The following OSBPL10 variants were observed in gnomAD, a reference collection of about 807,000 sequenced individuals.
OSBPL10 encodes the protein oxysterol-binding protein-related protein 10.
OSBPL10 carries 49 observed loss-of-function variants against 81.7 expected under a neutral mutation model. That is an observed-to-expected ratio of 0.60 (90% CI 0.48 to 0.76). OSBPL10 has a LOEUF of 0.76. Ranked by LOEUF, OSBPL10 falls within the 30% of genes least tolerant of loss-of-function variation. The pLI is 0.00. For missense variants in OSBPL10, 923 were observed against 987.8 expected (o/e 0.93, Z 0.88); for synonymous variants, 419 against 383.6 (o/e 1.09, Z -1.08).
intron 3 of OSBPL10, among the ~76,000 whole-genome samples, chr3:31,844,552 A>G (rs1700580144): frequency 6.6e-6 from 1 of 152,242 alleles, no homozygotes; most frequent in Admixed American, 6.5e-5. Flanking sequence ...TCAGACACAA[A>G]AAGTCACATA....
chr3:31,939,645 A>G (rs1477045382), intron 1 of OSBPL10, among the ~76,000 whole-genome samples: 1 of 151,930 alleles, frequency 6.6e-6, no homozygotes, highest in Non-Finnish European at 1.5e-5. Flanking sequence ...CATAGTGACC[A>G]AACTCCACAA....
At chr3:31,821,001 A>T (rs1699971382) in intron 4 of OSBPL10, among the ~76,000 whole-genome samples, 1 of 152,184 alleles carries the variant, frequency 6.6e-6, no homozygotes, top group Admixed American at 6.5e-5. Context: ...AAGGGGTCAG[A>T]CAATAAACAC....
chr3:31,765,647 T>C (rs1173681291), intron 4 of OSBPL10, among the ~76,000 whole-genome samples: 9 of 152,122 alleles, frequency 5.9e-5, no homozygotes, highest in Admixed American at 2.6e-4. Context: ...AAAAACAATG[T>C]ATACACCCAA....
intron 1 of OSBPL10, among the ~76,000 whole-genome samples, chr3:31,957,242 A>C (rs1301706516): frequency 6.6e-6 from 1 of 152,238 alleles, no homozygotes; most frequent in Non-Finnish European, 1.5e-5. Context: ...CTGACACATA[A>C]ATATTTTTGT....
intron 3 of OSBPL10, among the ~76,000 whole-genome samples, chr3:31,843,571 C>T (rs1377843861): frequency 6.6e-6 from 1 of 152,182 alleles, no homozygotes; most frequent in Admixed American, 6.5e-5. Context: ...TTTCAGAGTG[C>T]TAGACAGTGG....
At chr3:31,811,723 A>G (rs1699686103) in intron 4 of OSBPL10, among the ~76,000 whole-genome samples, 1 of 152,232 alleles carries the variant, frequency 6.6e-6, no homozygotes, top group Non-Finnish European at 1.5e-5. Context: ...ATGCATATAT[A>G]GGCAAGTACA....
intron 6 of OSBPL10, among the ~76,000 whole-genome samples, chr3:31,726,464 C>T (rs898141603): frequency 4.6e-5 from 7 of 151,294 alleles, no homozygotes; most frequent in Non-Finnish European, 7.4e-5. Flanking sequence ...TTGTAGGCAC[C>T]CACCACCATG....
At chr3:31,743,605 A>G (rs1368665915) in intron 5 of OSBPL10, among the ~76,000 whole-genome samples, 1 of 152,206 alleles carries the variant, frequency 6.6e-6, no homozygotes, top group Non-Finnish European at 1.5e-5. Context: ...ATTAAATACT[A>G]TACAAGATGA....
intron 4 of OSBPL10, among the ~76,000 whole-genome samples, chr3:31,776,048 G>T (rs141042113): frequency 2.3e-3 from 354 of 152,188 alleles, no homozygotes; most frequent in African/African-American, 7.9e-3. Flanking sequence ...CAATGATCTG[G>T]GAATTCTGGG....
intron 3 of OSBPL10, among the ~76,000 whole-genome samples, chr3:31,852,328 A>C (rs887792747): frequency 6.6e-6 from 1 of 152,144 alleles, no homozygotes; most frequent in Admixed American, 6.5e-5. Flanking sequence ...GAGGTACACT[A>C]TCAGGAGGTA....
At chr3:31,905,368 T>TTTTA (rs869077578) in intron 1 of OSBPL10, among the ~76,000 whole-genome samples, 2 of 148,192 alleles carry the variant, frequency 1.3e-5, no homozygotes, top group South Asian at 2.2e-4. Context: ...TTTTTTTTTT[T>TTTTA]AGACGGACTC....
chr3:31,700,739 C>T (rs1695867302), intron 7 of OSBPL10, among the ~76,000 whole-genome samples: 1 of 152,200 alleles, frequency 6.6e-6, no homozygotes, highest in South Asian at 2.1e-4. Flanking sequence ...TCAACTCAAG[C>T]TCTGTCTGGG....
At chr3:31,880,675 T>A (rs1195170661) in intron 1 of OSBPL10, among the ~76,000 whole-genome samples, 1 of 152,218 alleles carries the variant, frequency 6.6e-6, no homozygotes, top group Non-Finnish European at 1.5e-5. Context: ...ACTAGTCTTT[T>A]CTCTCTTCCT....
At chr3:31,757,443 C>T (rs996565827) in intron 4 of OSBPL10, among the ~76,000 whole-genome samples, 1 of 152,092 alleles carries the variant, frequency 6.6e-6, no homozygotes, top group Admixed American at 6.6e-5. Context: ...ATCTACAAGC[C>T]GACACATCCT....
intron 1 of OSBPL10, among the ~76,000 whole-genome samples, chr3:31,948,173 C>T (rs1697757083): frequency 6.6e-6 from 1 of 152,140 alleles, no homozygotes; most frequent in Non-Finnish European, 1.5e-5. Flanking sequence ...TGCCCTGACC[C>T]AGTAAAGGGG....
At chr3:31,838,508 CAAAAAAAAAAAAAA>C (rs60893746) in intron 3 of OSBPL10, among the ~76,000 whole-genome samples, 1 of 95,698 alleles carries the variant, frequency 1.0e-5, no homozygotes. Flanking sequence ...AAGACTCTGT[CAAAAAAAAAAAAAA>C]AAAAAAAAAA....
chr3:32,060,201 T>C (rs1699744373), intron 1 of OSBPL10, among the ~76,000 whole-genome samples: 2 of 152,162 alleles, frequency 1.3e-5, no homozygotes, highest in Non-Finnish European at 2.9e-5. Context: ...GATACTGAAG[T>C]ATGTATGTCT....
chr3:31,664,054 G>T (rs781382845), intron 11 of OSBPL10, 25 bp downstream of exon 11: 1 of 1,614,062 alleles, frequency 6.2e-7, no homozygotes, highest in Non-Finnish European at 8.5e-7. Context: ...CTGGGCAAGG[G>T]ACCAATGACA....
At position 31,810,808 on chromosome 3, in the gene OSBPL10, C is replaced by T. The variant is rs539660603; in HGVS notation, c.729+19232G>A. 5.9e-5 allele frequency among the ~76,000 whole-genome samples: 9 copies of T among 152,328 alleles called. No individual in the cohort carries two copies. The South Asian group carries it at 1.9e-3, about 32-fold the overall frequency. On this transcript the variant is annotated intron_variant, in intron 4 of 11. Transcript: ENST00000396556. ...AGTGAGTCCACAGGGTGTAAGGAAA[C>T]TGGCACTCCCTAACATCAATGGCTC...
Sources: gnomAD v4.1 joint callset for allele counts (sites outside exome capture counted in the v4.1 genomes callset) on GRCh38, gnomAD v4.1.1 for gene constraint, MANE v1.5 for transcripts, NCBI Gene and HGNC (gene_info 2026-07-23, HGNC 2026-07-21) for gene names.